The following SLCO3A1 variants were observed in gnomAD, a reference collection of about 807,000 sequenced individuals.
The protein encoded by SLCO3A1 is PGE1 transporter.
In SLCO3A1, 27 loss-of-function variants were observed where a neutral mutation model predicts 63.1. The observed-to-expected ratio is 0.43, with a 90% confidence interval of 0.32 to 0.59. SLCO3A1 has a LOEUF of 0.59. Ranked by LOEUF, SLCO3A1 falls within the 20% of genes least tolerant of loss-of-function variation. The probability of loss-of-function intolerance (pLI) is 0.09; values close to 1 mark genes in which losing one functional copy is unlikely to be tolerated. For synonymous variants in SLCO3A1, 473 were observed against 409.9 expected (o/e 1.15, Z -1.86); for missense variants, 773 against 945.8 (o/e 0.82, Z 2.40).
In SLCO3A1 at chr15:92,016,254, T is replaced by TTAGATAGATAGATAGATAGA. The variant is rs1555424441; in HGVS notation, c.647-78617_647-78598dup. Among the ~76,000 whole-genome samples, 109 of 95,696 alleles carry TTAGATAGATAGATAGATAGA rather than the reference T, an allele frequency of 1.1e-3. No individual in the cohort carries two copies. The East Asian group carries it at 0.02, about 18-fold the overall frequency. The allele number at this position is 95,696 out of a possible 152,430, so 62.8% of individuals were successfully genotyped here. ...ATAGATAGATAGATAGATAGATAGA[T>TTAGATAGATAGATAGATAGA]TAGATAGATAGATAGATAGATAGAT... is the stretch of plus-strand genomic sequence containing the variant. On this transcript the variant is annotated intron_variant, in intron 2 of 9. Transcript: ENST00000318445.
chr15:91,860,043 A>G lies in SLCO3A1; in HGVS notation c.180+5955A>G, dbSNP rs536792902. Among the ~76,000 whole-genome samples the G allele has an allele frequency of 6.6e-6, 1 of 152,312 alleles. No individual in the cohort carries two copies. Among genetic ancestry groups the G allele is most frequent in the Admixed American group, 6.5e-5 (1 of 15,302 alleles). On this transcript the variant is annotated intron_variant, in intron 1 of 9. Coordinates refer to ENST00000318445, the MANE Select transcript of SLCO3A1 (RefSeq NM_013272.4). This position sits in a 1 kb window ranked among gnomAD's most constrained non-coding sequence, Gnocchi z 5.5. Reference sequence around the variant, plus strand: ...TATAGCAATCCATTTCATCTTAAAGATGCTATAAAAATTAGTCACATGGGA... The same window carrying G: ...TATAGCAATCCATTTCATCTTAAAGGTGCTATAAAAATTAGTCACATGGGA...
intron 2 of SLCO3A1, among the ~76,000 whole-genome samples, chr15:92,089,759 G>A (rs2047449237): frequency 6.6e-6 from 1 of 152,158 alleles, no homozygotes; most frequent in African/African-American, 2.4e-5. Flanking sequence ...AAGTCTTGCT[G>A]GAGGTCGTTT....
chr15:92,086,904 G>A (rs1259198886), intron 2 of SLCO3A1, among the ~76,000 whole-genome samples: 1 of 151,610 alleles, frequency 6.6e-6, no homozygotes, highest in Admixed American at 6.6e-5. Flanking sequence ...TGAACCTGGT[G>A]TGGGGACGGC....
chr15:91,962,166 G>A (rs1900472151), intron 2 of SLCO3A1, among the ~76,000 whole-genome samples: 2 of 152,168 alleles, frequency 1.3e-5, no homozygotes, highest in East Asian at 1.9e-4. Context: ...ATGAGGCAGT[G>A]ACTAGAGTGG....
intron 1 of SLCO3A1, among the ~76,000 whole-genome samples, chr15:91,867,005 C>A (rs936504449): frequency 6.6e-6 from 1 of 152,116 alleles, no homozygotes; most frequent in Non-Finnish European, 1.5e-5. Flanking sequence ...TGCGGAGAGT[C>A]ATTGGAGGCA....
intron 10 of SLCO3A1, chr15:92,171,622 C>T: frequency 1.6e-6 from 1 of 607,062 alleles, no homozygotes. Flanking sequence ...CTTGGGGTTA[C>T]ATGGAATGAA....
At chr15:92,144,106 C>T (rs1427486030) in intron 7 of SLCO3A1, among the ~76,000 whole-genome samples, 1 of 152,250 alleles carries the variant, frequency 6.6e-6, no homozygotes, top group African/African-American at 2.4e-5. Flanking sequence ...GTGTGACCTT[C>T]TGGGAGAAAT....
intron 2 of SLCO3A1, among the ~76,000 whole-genome samples, chr15:92,001,737 C>T (rs946706041): frequency 2.6e-5 from 4 of 151,924 alleles, no homozygotes; most frequent in Non-Finnish European, 4.4e-5. Context: ...CTATCCCAAC[C>T]AACCAGCTAG....
At chr15:92,042,909 G>GGTGTGTATTTTAGAAGTT (rs1567084189) in intron 2 of SLCO3A1, among the ~76,000 whole-genome samples, 4 of 151,866 alleles carry the variant, frequency 2.6e-5, no homozygotes, top group Non-Finnish European at 4.4e-5. Context: ...ATCAGCAGGT[G>GGTGTGTATTTTAGAAGTT]TTAAGGTGTG....
intron 4 of SLCO3A1, among the ~76,000 whole-genome samples, chr15:92,114,585 A>G (rs1478413303): frequency 6.6e-6 from 1 of 152,048 alleles, no homozygotes; most frequent in East Asian, 1.9e-4. Context: ...ATTCACACCC[A>G]TGCTTCCGTC....
chr15:92,034,031 C>A (rs568192358), intron 2 of SLCO3A1, among the ~76,000 whole-genome samples: 1 of 146,880 alleles, frequency 6.8e-6, no homozygotes, highest in African/African-American at 2.4e-5. Flanking sequence ...CTGATCTTGG[C>A]TTTTATGCAG....
At chr15:91,971,825 GCAGTGGCTCCGTATTCAA>G (rs1388740907) in intron 2 of SLCO3A1, among the ~76,000 whole-genome samples, 1 of 86,750 alleles carries the variant, frequency 1.2e-5, no homozygotes, top group Non-Finnish European at 3.1e-5. Flanking sequence ...TCCGTATTCA[GCAGTGGCTCCGTATTCAA>G]CAGTTCAGTG....
rs1479288515 is a variant in SLCO3A1 at position 92,157,911 on chromosome 15, G to T, written c.1754-4845G>T. On this transcript the variant is annotated intron_variant, in intron 9 of 9. Transcript: ENST00000318445. ...AGTGAAACTGAGATTCACTCAAGTT[G>T]TGTGAATCACACAGTTCCCAAGTGG... Among the ~76,000 whole-genome samples, 3 of 152,152 alleles carry T rather than the reference G, an allele frequency of 2.0e-5. No individual in the cohort carries two copies. In the East Asian group the frequency reaches 5.8e-4, roughly 29 times the overall value.
intron 2 of SLCO3A1, among the ~76,000 whole-genome samples, chr15:92,078,863 C>T (rs1036487248): frequency 1.3e-5 from 2 of 152,232 alleles, no homozygotes; most frequent in Admixed American, 1.3e-4. Flanking sequence ...GTCATCCTCA[C>T]TAGCAACAGA....
At position 91,875,526 on chromosome 15, in the gene SLCO3A1, A is replaced by G. The variant is rs1351283097; in HGVS notation, c.180+21438A>G. 1.3e-5 allele frequency among the ~76,000 whole-genome samples: 2 copies of G among 152,324 alleles called. No homozygotes were observed. The highest frequency in any genetic ancestry group is 3.9e-4 in the East Asian group (2 of 5,178). The stretch of plus-strand genomic sequence containing the variant: ...CCCGTCAGTTGGAGATGATTAAAGT[A>G]CCTGCCACAGAGGGCTCTCCTGAGC... On this transcript the variant is annotated intron_variant, in intron 1 of 9. Coordinates refer to ENST00000318445, the MANE Select transcript of SLCO3A1 (RefSeq NM_013272.4). The surrounding 1 kb of genome is among the most constrained non-coding windows in gnomAD (Gnocchi z 4.5).
chr15:92,095,301 T>C (rs890799023), intron 3 of SLCO3A1, among the ~76,000 whole-genome samples: 7 of 152,226 alleles, frequency 4.6e-5, no homozygotes, highest in Admixed American at 3.3e-4. Context: ...AAGAATTTAA[T>C]GAGAGTGTCT....
intron 2 of SLCO3A1, among the ~76,000 whole-genome samples, chr15:91,980,177 G>A (rs1156599352): frequency 1.3e-5 from 2 of 152,098 alleles, no homozygotes; most frequent in East Asian, 3.9e-4. Flanking sequence ...CTACAGTAGT[G>A]CCACTCACAT....
chr15:92,158,300 A>G (rs11636434), intron 9 of SLCO3A1, among the ~76,000 whole-genome samples: 9,235 of 152,216 alleles, frequency 0.061, 379 homozygotes, highest in South Asian at 0.087. Flanking sequence ...GGTAAATAAA[A>G]TGTTCTCTGT....
intron 3 of SLCO3A1, among the ~76,000 whole-genome samples, chr15:92,104,074 G>A (rs1517619): frequency 0.73 from 111,475 of 152,096 alleles, 40,982 homozygotes; most frequent in Admixed American, 0.83. Context: ...AAAATTAAGG[G>A]GGGAATGTGA....
Sources: allele counts gnomAD v4.1 joint callset (sites outside exome capture counted in the v4.1 genomes callset), GRCh38; gene constraint gnomAD v4.1.1; non-coding constraint Gnocchi (gnomAD v3.1); transcripts MANE v1.5; gene names NCBI Gene and HGNC (gene_info 2026-07-23, HGNC 2026-07-21).